The following ICE1 variants were observed in gnomAD, a reference collection of about 807,000 sequenced individuals.
ICE1 encodes little elongation complex subunit 1.
In ICE1, 64 loss-of-function variants were observed where a neutral mutation model predicts 192.7. That is an observed-to-expected ratio of 0.33 (90% CI 0.27 to 0.41). The LOEUF (loss-of-function observed/expected upper bound fraction) is 0.41, where lower values mean the gene tolerates loss of function less well. ICE1 is among the 10% of genes least tolerant of loss of function. ICE1 has a pLI of 1.00. For missense variants in ICE1, 2,708 were observed against 2,696.0 expected (o/e 1.00, Z -0.10); for synonymous variants, 1,010 against 984.5 (o/e 1.03, Z -0.49).
At position 5,464,581 on chromosome 5, in the gene ICE1, G is replaced by A; in HGVS notation, c.5247G>A (p.Val1749=). Residue 1749 remains valine (V), a synonymous_variant, in exon 13 of 19, where the codon GTG becomes GTA. Transcript: ENST00000296564. This position sits in a 1 kb window ranked among gnomAD's most constrained non-coding sequence, Gnocchi z 4.0. ...AAVGGPQENS[V]KILDTMYPEL... ...TGGGAGGGCCTCAGGAGAATTCTGTGAAAATCCTTGACACCATGTATCCAG... is the reference window on the plus strand; with the variant it reads ...TGGGAGGGCCTCAGGAGAATTCTGTAAAAATCCTTGACACCATGTATCCAG... The A allele has an allele frequency of 6.2e-7, 1 of 1,611,790 alleles. No homozygotes were observed. Among genetic ancestry groups the A allele is most frequent in the East Asian group, 2.2e-5 (1 of 44,796 alleles).
intron 1 of ICE1, 129 bp downstream of exon 1, chr5:5,423,128 T>G: frequency 1.2e-4 from 54 of 458,770 alleles, no homozygotes; most frequent in South Asian, 2.4e-4. Flanking sequence ...ACCGTAGCTC[T>G]TGCTCGCTCG....
chr5:5,482,764 C>T (rs1054543917), intron 17 of ICE1, among the ~76,000 whole-genome samples: 5 of 135,986 alleles, frequency 3.7e-5, no homozygotes, highest in Non-Finnish European at 6.1e-5. Context: ...ACATTAACAC[C>T]CCCACCCCCC....
Position 5,462,759 on chromosome 5 carries a change from A to C in ICE1, c.3425A>C (p.Glu1142Ala), listed in dbSNP as rs781615403. The C allele has an allele frequency of 6.2e-7, 1 of 1,613,804 alleles. No homozygotes were observed. The highest frequency in any genetic ancestry group is 8.5e-7 in the Non-Finnish European group (1 of 1,179,776). The change falls in exon 13 of 19, where the codon GAG becomes GCG. Residue 1142 changes from glutamate to alanine, a missense_variant. Transcript: ENST00000296564. ...GGAGACACAGATGCTGCTGTAGCCG[A>C]GGTGAGACCTTCCTTAGAGGTAGGT... Reference protein sequence around the residue: ...NLGDTDAAVAEVRPSLEVGYL... With the variant: ...NLGDTDAAVAAVRPSLEVGYL...
At chr5:5,430,125 C>T (rs887744410) in intron 1 of ICE1, among the ~76,000 whole-genome samples, 3 of 152,158 alleles carry the variant, frequency 2.0e-5, no homozygotes, top group African/African-American at 7.2e-5. Context: ...AGAGGAAGAA[C>T]ACCTTGAACC....
intron 17 of ICE1, among the ~76,000 whole-genome samples, chr5:5,484,893 C>A (rs1739597941): frequency 6.6e-6 from 1 of 152,102 alleles, no homozygotes. Context: ...AAAGCACATC[C>A]AAGATATGTT....
intron 1 of ICE1, among the ~76,000 whole-genome samples, chr5:5,428,228 G>T (rs1450244832): frequency 6.6e-6 from 1 of 152,046 alleles, no homozygotes; most frequent in East Asian, 1.9e-4. Context: ...GTTAGAGAGA[G>T]GTGGACATTC....
intron 2 of ICE1, 88 bp downstream of exon 2, chr5:5,436,564 G>C (rs935377666): frequency 4.6e-6 from 3 of 649,188 alleles, no homozygotes; most frequent in South Asian, 5.5e-5. Context: ...CCCAGGGCTG[G>C]AATGAACACT....
At chr5:5,438,339 G>A (rs1328158685) in intron 3 of ICE1, among the ~76,000 whole-genome samples, 1 of 152,124 alleles carries the variant, frequency 6.6e-6, no homozygotes, top group African/African-American at 2.4e-5. Context: ...ATTTTGGGTG[G>A]GGACACAGCC....
chr5:5,437,387 T>G (rs551692998), intron 3 of ICE1: 2 of 317,666 alleles, frequency 6.3e-6, no homozygotes, highest in African/African-American at 4.3e-5. Context: ...TCTCTTAATT[T>G]GTACTGAGGA....
intron 10 of ICE1, among the ~76,000 whole-genome samples, chr5:5,451,620 G>T (rs1738419213): frequency 1.3e-5 from 2 of 152,074 alleles, no homozygotes; most frequent in South Asian, 2.1e-4. Flanking sequence ...AGGAAAACAT[G>T]CTCAAATTGA....
chr5:5,436,560 G>C (rs1364056634), intron 2 of ICE1, 84 bp downstream of exon 2: 5 of 698,720 alleles, frequency 7.2e-6, no homozygotes, highest in Non-Finnish European at 1.1e-5. Flanking sequence ...GGCCCCCAGG[G>C]CTGGAATGAA....
chr5:5,453,103 C>CT (rs200603477), intron 10 of ICE1, among the ~76,000 whole-genome samples: 4 of 150,594 alleles, frequency 2.7e-5, no homozygotes, highest in African/African-American at 7.3e-5. Flanking sequence ...AACTTTTTTT[C>CT]TTTTTTTTTA....
At chr5:5,459,635 A>G (rs1738692205) in intron 12 of ICE1, among the ~76,000 whole-genome samples, 1 of 152,202 alleles carries the variant, frequency 6.6e-6, no homozygotes, top group South Asian at 2.1e-4. Context: ...AAGCCAGGAG[A>G]TGATGGTACT....
Position 5,462,494 on chromosome 5 carries a change from A to G in ICE1, c.3160A>G (p.Thr1054Ala), listed in dbSNP as rs3806873. The change falls in exon 13 of 19, where the codon ACA becomes GCA. Residue 1054 changes from threonine (T) to alanine (A), a missense_variant. Physicochemically the swap from Thr to Ala is moderately conservative, Grantham distance 58. Coordinates refer to ENST00000296564, the MANE Select transcript of ICE1 (RefSeq NM_015325.3). The part of the protein sequence containing the change: ...NANGLWKLKS[T>A]TPGGALPECF... ...TAATGGACTTTGGAAATTGAAATCT[A>G]CAACTCCCGGTGGTGCTTTGCCTGA... The G allele has an allele frequency of 0.035, 55,767 of 1,613,938 alleles. 3,618 individuals carry two copies. The highest frequency in any genetic ancestry group is 0.3 in the East Asian group (13,489 of 44,836).
At chr5:5,480,195 T>G (rs527639768) in intron 17 of ICE1, among the ~76,000 whole-genome samples, 1 of 152,260 alleles carries the variant, frequency 6.6e-6, no homozygotes, top group East Asian at 1.9e-4. Context: ...ATTATAGCCC[T>G]TAGATACTTT....
intron 14 of ICE1, among the ~76,000 whole-genome samples, chr5:5,467,826 A>G (rs1216469801): frequency 6.6e-6 from 1 of 152,240 alleles, no homozygotes; most frequent in Non-Finnish European, 1.5e-5. Context: ...CAGGATAAAA[A>G]TCTTTACTTT....
chr5:5,478,892 C>T lies in ICE1; in HGVS notation c.6520+2813C>T, dbSNP rs1457526084. 4.6e-5 allele frequency among the ~76,000 whole-genome samples: 7 copies of T among 152,060 alleles called. No homozygotes were observed. The East Asian group carries it at 5.8e-4, about 13-fold the overall frequency. Reference sequence around the variant, plus strand: ...AATGGTGCTGGGAAAACTGGCTAGCCGTATGCATAAAACTGAAATTGGACC... The same window carrying T: ...AATGGTGCTGGGAAAACTGGCTAGCTGTATGCATAAAACTGAAATTGGACC... On this transcript the variant is annotated intron_variant, in intron 17 of 18. Coordinates refer to ENST00000296564, the MANE Select transcript of ICE1 (RefSeq NM_015325.3).
chr5:5,486,615 T>C, intron 17 of ICE1, 106 bp from the exon 18 acceptor site: 1 of 702,160 alleles, frequency 1.4e-6, no homozygotes, highest in South Asian at 1.7e-5. Flanking sequence ...GACGAAATGA[T>C]GAGGCATTTT....
At chr5:5,424,700 G>C (rs62335511) in intron 1 of ICE1, among the ~76,000 whole-genome samples, 315 of 152,300 alleles carry the variant, frequency 2.1e-3, no homozygotes, top group South Asian at 9.5e-3. Flanking sequence ...TTTAAGTAGG[G>C]AGTCCTGGAA....
Sources: allele counts gnomAD v4.1 joint callset (sites outside exome capture counted in the v4.1 genomes callset), GRCh38; gene constraint gnomAD v4.1.1; non-coding constraint Gnocchi (gnomAD v3.1); transcripts MANE v1.5; gene names NCBI Gene and HGNC (gene_info 2026-07-23, HGNC 2026-07-21).